MAPK3: variants seen among roughly 807,000 people sequenced by gnomAD.
The protein encoded by MAPK3 is mitogen-activated protein kinase 3.
MAPK3 carries 30 observed loss-of-function variants against 41.8 expected under a neutral mutation model. That is an observed-to-expected ratio of 0.72 (90% CI 0.54 to 0.97). The LOEUF (loss-of-function observed/expected upper bound fraction) is 0.97, where lower values mean the gene tolerates loss of function less well. Ranked by LOEUF, MAPK3 falls within the 50% of genes least tolerant of loss-of-function variation. The pLI is 0.00. For synonymous variants in MAPK3, 222 were observed against 213.4 expected (o/e 1.04, Z -0.35); for missense variants, 413 against 509.9 (o/e 0.81, Z 1.83).
In MAPK3 at chr16:30,116,927, G is replaced by A. The variant is rs745919455; in HGVS notation, c.984C>T (p.Pro328=). Residue 328 remains proline (P), a synonymous_variant, in exon 7 of 9, where the codon CCC becomes CCT. Coordinates refer to ENST00000263025, the MANE Select transcript of MAPK3 (RefSeq NM_002746.3). ...TCGGGTCATAGTACTGCTCCAGGTA[G>A]GGGTGAGCCAGCGCTTCCTCCACTG... ...RITVEEALAH[P]YLEQYYDPTD... 1 of 1,613,936 alleles carries A rather than the reference G, an allele frequency of 6.2e-7. No homozygotes were observed. The highest frequency in any genetic ancestry group is 1.7e-5 in the Admixed American group (1 of 60,002).
rs1313150757 is a variant in MAPK3 at position 30,123,050 on chromosome 16, C to A, written c.160G>T (p.Gly54Cys). The A allele has an allele frequency of 3.8e-6, 6 of 1,561,982 alleles. No homozygotes were observed. In the South Asian group the frequency reaches 6.9e-5, roughly 18 times the overall value. The part of the protein sequence containing the change: ...QLQYIGEGAY[G>C]MVSSAYDHVR... ...GGAACGCCCCCTCACCTGACCATGC[C>A]GTACGCGCCCTCGCCGATGTACTGC... Residue 54 changes from glycine to cysteine, a missense_variant, in exon 1 of 9, where the codon GGC becomes TGC. Coordinates refer to ENST00000263025, the MANE Select transcript of MAPK3 (RefSeq NM_002746.3).
intron 1 of MAPK3, 83 bp downstream of exon 1, chr16:30,122,957 C>T (rs1458947381): frequency 1.1e-5 from 13 of 1,237,376 alleles, no homozygotes; most frequent in Admixed American, 3.6e-5. Context: ...CTCCACGTCC[C>T]GGAAAGCGCT....
chr16:30,123,176 C>T lies in MAPK3; in HGVS notation c.34G>A (p.Gly12Arg). 12 of 1,342,256 alleles carry T rather than the reference C, an allele frequency of 8.9e-6. No homozygotes were observed. The highest frequency in any genetic ancestry group is 9.0e-6 in the Non-Finnish European group (9 of 1,004,192). 83.1% of individuals were successfully genotyped at this position (1,342,256 alleles called of 1,614,324 possible). A position where few individuals can be genotyped will look rare whatever the true frequency, so the allele number is the denominator to read the frequency against. Reference sequence around the variant, plus strand: ...ACCCCCTCGGTTCTACGGGGCTCCCCGCCCCCGCCCCCCTGAGCCGCCGCC... The same window carrying T: ...ACCCCCTCGGTTCTACGGGGCTCCCTGCCCCCGCCCCCCTGAGCCGCCGCC... ...AAAAAQGGGG[G>R]EPRRTEGVGP... Residue 12 changes from glycine (G) to arginine (R), a missense_variant, in exon 1 of 9, where the codon GGG becomes AGG. Gly to Arg is a moderately radical substitution (Grantham distance 125). Around this residue, in one of 4 missense-constraint regions of MAPK3, gnomAD observed 145 missense variants for 133.0 expected, o/e 1.09. Coordinates refer to ENST00000263025, the MANE Select transcript of MAPK3 (RefSeq NM_002746.3).
intron 5 of MAPK3, 68 bp from the exon 6 acceptor site, chr16:30,117,353 G>A: frequency 6.6e-7 from 1 of 1,525,106 alleles, no homozygotes; most frequent in African/African-American, 1.4e-5. Flanking sequence ...AGGCAACAAG[G>A]CAAGAACAAG....
intron 1 of MAPK3, chr16:30,122,407 A>G (rs888662118): frequency 1.3e-5 from 4 of 313,264 alleles, no homozygotes; most frequent in Non-Finnish European, 2.5e-5. Context: ...GGGGCAGGAG[A>G]GAATGGACAG....
chr16:30,115,585 A>T (rs192796332), intron 8 of MAPK3: 1 of 152,430 alleles, frequency 6.6e-6, no homozygotes, highest in Non-Finnish European at 1.5e-5. Context: ...AGCTTGGCTC[A>T]GGTCCTCACC....
At chr16:30,122,494 G>A in intron 1 of MAPK3, 1 of 193,292 alleles carries the variant, frequency 5.2e-6, no homozygotes, top group Admixed American at 5.3e-5. Context: ...AGCACACGGT[G>A]GGGCCGGGGG....
chr16:30,115,186 TC>T, intron 8 of MAPK3, among the ~76,000 whole-genome samples: 1 of 151,934 alleles, frequency 6.6e-6, no homozygotes, highest in Non-Finnish European at 1.5e-5. Context: ...ACCACTGCAT[TC>T]CAGCCTGGGT....
At chr16:30,116,562 A>T in intron 8 of MAPK3, 74 bp downstream of exon 8, 1 of 1,435,486 alleles carries the variant, frequency 7.0e-7, no homozygotes, top group South Asian at 1.3e-5. Context: ...ATGTACAGAT[A>T]GATATAGATA....
At chr16:30,121,351 T>A (rs577656171) in intron 2 of MAPK3, among the ~76,000 whole-genome samples, 100 of 152,062 alleles carry the variant, frequency 6.6e-4, no homozygotes, top group Non-Finnish European at 9.6e-4. Flanking sequence ...CCTCAGGTAA[T>A]CTCCCACCTC....
At position 30,116,646 on chromosome 16, in the gene MAPK3, G is replaced by A; in HGVS notation, c.*22C>T. On this transcript the variant is annotated 3_prime_UTR_variant, in exon 8 of 9. Transcript: ENST00000263025. ...CATGGAGACACTCACCAGGCCCCAG[G>A]GTGCAGAGATGTCTGTCTGGGCTAG... The A allele has an allele frequency of 6.2e-7, 1 of 1,612,030 alleles. No individual in the cohort carries two copies. Among genetic ancestry groups the A allele is most frequent in the Non-Finnish European group, 8.5e-7 (1 of 1,179,738 alleles).
intron 5 of MAPK3, 152 bp from the exon 6 acceptor site, chr16:30,117,437 G>A: frequency 2.3e-6 from 2 of 863,526 alleles, no homozygotes; most frequent in Non-Finnish European, 3.6e-6. Flanking sequence ...CAGAGCAAGG[G>A]GGCTGGGTTC....
chr16:30,121,734 G>A, intron 2 of MAPK3, 90 bp downstream of exon 2: 1 of 1,328,946 alleles, frequency 7.5e-7, no homozygotes, highest in Non-Finnish European at 1.0e-6. Context: ...GGAGGGTGGT[G>A]GGTAAGATGG....
Position 30,118,540 on chromosome 16 carries a change from T to G in MAPK3, c.354-2A>C. 1 of 1,610,656 alleles carries G rather than the reference T, an allele frequency of 6.2e-7. No individual in the cohort carries two copies. The highest frequency in any genetic ancestry group is 8.5e-7 in the Non-Finnish European group (1 of 1,178,086). ...TCCATCAGGTCCTGCACAATGTAGC[T>G]GAGGATGGTTCCGCAGACCCCCCCA... On this transcript the variant is annotated splice_acceptor_variant, in intron 2 of 8. Coordinates refer to ENST00000263025, the MANE Select transcript of MAPK3 (RefSeq NM_002746.3). LOFTEE classifies it high-confidence loss of function.
intron 2 of MAPK3, among the ~76,000 whole-genome samples, chr16:30,121,090 C>T (rs2073010931): frequency 6.6e-6 from 1 of 151,598 alleles, no homozygotes; most frequent in African/African-American, 2.4e-5. Context: ...CACAGCAGGC[C>T]CTCAAGAAAG....
chr16:30,118,740 T>A (rs921721825), intron 2 of MAPK3, among the ~76,000 whole-genome samples: 7 of 152,028 alleles, frequency 4.6e-5, no homozygotes, highest in Non-Finnish European at 8.8e-5. Flanking sequence ...TGCATCACAG[T>A]TGCTGATCCT....
At chr16:30,117,970 A>T in intron 4 of MAPK3, 77 bp downstream of exon 4, 1 of 1,329,190 alleles carries the variant, frequency 7.5e-7, no homozygotes, top group Non-Finnish European at 1.1e-6. Context: ...CATGGGGGTC[A>T]GTGTCTGGCT....
At position 30,123,178 on chromosome 16, in the gene MAPK3, C is replaced by A. The variant is rs955881745; in HGVS notation, c.32G>T (p.Gly11Val). 1.5e-6 allele frequency: 2 copies of A among 1,330,180 alleles called. No homozygotes were observed. The highest frequency in any genetic ancestry group is 1.5e-5 in the African/African-American group (1 of 65,006). 82.4% of individuals were successfully genotyped at this position (1,330,180 alleles called of 1,614,324 possible). A position where few individuals can be genotyped will look rare whatever the true frequency, so the allele number is the denominator to read the frequency against. Residue 11 changes from glycine (G) to valine (V), a missense_variant, in exon 1 of 9, where the codon GGC (glycine) becomes GTC (valine). Transcript: ENST00000263025. MAAAAAQGGG[G>V]GEPRRTEGVG... Reference sequence around the variant, plus strand: ...CCCCTCGGTTCTACGGGGCTCCCCGCCCCCGCCCCCCTGAGCCGCCGCCGC... The same window carrying A: ...CCCCTCGGTTCTACGGGGCTCCCCGACCCCGCCCCCCTGAGCCGCCGCCGC...
rs1304115947 is a variant in MAPK3, at chr16:30,114,142, G to C, written c.*599C>G. The C allele has an allele frequency of 6.6e-6, 1 of 152,220 alleles. No individual in the cohort carries two copies. The highest frequency in any genetic ancestry group is 1.5e-5 in the Non-Finnish European group (1 of 68,074). 9.4% of individuals were successfully genotyped at this position (152,220 alleles called of 1,614,324 possible). A position where few individuals can be genotyped will look rare whatever the true frequency, so the allele number is the denominator to read the frequency against. ...ACATCTCTATATTTATATATTAGACGGGTCAGGGAGGTGGCAGGGGCGCCG... is the reference window on the plus strand; with the variant it reads ...ACATCTCTATATTTATATATTAGACCGGTCAGGGAGGTGGCAGGGGCGCCG... On this transcript the variant is annotated 3_prime_UTR_variant, in exon 9 of 9. Coordinates refer to ENST00000263025, the MANE Select transcript of MAPK3 (RefSeq NM_002746.3).
Sources: allele counts gnomAD v4.1 joint callset (sites outside exome capture counted in the v4.1 genomes callset), GRCh38; gene constraint gnomAD v4.1.1; regional missense constraint gnomAD v4.1.1; transcripts MANE v1.5; gene names NCBI Gene and HGNC (gene_info 2026-07-23, HGNC 2026-07-21).